The following ZDHHC2 variants were observed in gnomAD, a reference collection of about 807,000 sequenced individuals.
The protein encoded by ZDHHC2 is zDHHC palmitoyltransferase 2, also known as palmitoyltransferase ZDHHC2.
Under a neutral mutation model 55.6 loss-of-function variants are expected in ZDHHC2, and 51 were observed. The ratio of observed to expected loss-of-function variants is 0.92; its 90% CI spans 0.73 to 1.16. ZDHHC2 has a LOEUF of 1.16. Among genes scored for constraint, ZDHHC2 ranks in the 50% most tolerant of loss-of-function variants. The pLI is 0.00. For missense variants in ZDHHC2, 491 were observed against 442.4 expected (o/e 1.11, Z -0.99); for synonymous variants, 199 against 152.9 (o/e 1.30, Z -2.22).
chr8:17,185,269 A>T (rs1350918198), intron 2 of ZDHHC2, among the ~76,000 whole-genome samples: 1 of 152,248 alleles, frequency 6.6e-6, no homozygotes, highest in Non-Finnish European at 1.5e-5. Flanking sequence ...CTATATTTAA[A>T]TTAGCATATT....
Position 17,161,333 on chromosome 8 carries a change from T to A in ZDHHC2, c.130+4480T>A, listed in dbSNP as rs142982045. Among the ~76,000 whole-genome samples, 19 of 152,318 alleles carry A rather than the reference T, an allele frequency of 1.2e-4. No homozygotes were observed. In the East Asian group the frequency reaches 3.5e-3, roughly 28 times the overall value. Reference sequence around the variant, plus strand: ...CTTGATATTCCTGATACTTAAACTATTACTTTAAAAACTGTGTAGGACAAT... The same window carrying A: ...CTTGATATTCCTGATACTTAAACTAATACTTTAAAAACTGTGTAGGACAAT... On this transcript the variant is annotated intron_variant, in intron 1 of 12. Transcript: ENST00000262096.
intron 1 of ZDHHC2, among the ~76,000 whole-genome samples, chr8:17,177,752 TTGTGTGTGTGTG>T (rs10570051): frequency 6.7e-6 from 1 of 148,716 alleles, no homozygotes; most frequent in African/African-American, 2.5e-5. Context: ...TTTGGGGTGT[TTGTGTGTGTGTG>T]TGTGTGTGTG....
At chr8:17,199,337 TCTCAATAAATAAC>T (rs1385996349) in intron 6 of ZDHHC2, among the ~76,000 whole-genome samples, 2 of 152,106 alleles carry the variant, frequency 1.3e-5, no homozygotes, top group African/African-American at 2.4e-5. Context: ...TTCTTAAAGG[TCTCAATAAATAAC>T]GCCCCCTTCG....
rs1295315172 is a variant in ZDHHC2, at chr8:17,210,448, T to C, written c.918T>C (p.Ser306=). 3.1e-6 allele frequency: 5 copies of C among 1,613,000 alleles called. No individual in the cohort carries two copies. Among genetic ancestry groups the C allele is most frequent in the Non-Finnish European group, 4.2e-6 (5 of 1,179,474 alleles). ...CLVNQDPEQA[S]TPAGLNSTAK... ...TTAACCAGGATCCTGAACAAGCATC[T>C]ACTCCTGCAGGGCTGAATTCCACAG... The change falls in exon 10 of 13, where the codon TCT becomes TCC. Residue 306 remains serine (S), a synonymous_variant. Coordinates refer to ENST00000262096, the MANE Select transcript of ZDHHC2 (RefSeq NM_016353.5).
chr8:17,170,678 C>T lies in ZDHHC2; in HGVS notation c.130+13825C>T, dbSNP rs889602450. Reference sequence around the variant, plus strand: ...AATCAAACAGCTAATAACGTTTGGTCATGAAAAATAAGGAACTCTCAGCAT... The same window carrying T: ...AATCAAACAGCTAATAACGTTTGGTTATGAAAAATAAGGAACTCTCAGCAT... On this transcript the variant is annotated intron_variant, in intron 1 of 12. Coordinates refer to ENST00000262096, the MANE Select transcript of ZDHHC2 (RefSeq NM_016353.5). Among the ~76,000 whole-genome samples, 6 of 152,182 alleles carry T rather than the reference C, an allele frequency of 3.9e-5. No individual in the cohort carries two copies. The South Asian group carries it at 8.3e-4, about 21-fold the overall frequency.
intron 8 of ZDHHC2, 99 bp downstream of exon 8, chr8:17,208,191 G>T: frequency 8.2e-6 from 10 of 1,222,138 alleles, no homozygotes; most frequent in Non-Finnish European, 1.1e-5. Context: ...CCCTGAAGTG[G>T]TGGGAAAAGT....
intron 1 of ZDHHC2, among the ~76,000 whole-genome samples, chr8:17,164,766 T>G (rs930573689): frequency 1.3e-5 from 2 of 152,228 alleles, no homozygotes; most frequent in African/African-American, 4.8e-5. Flanking sequence ...CAGTGAAATT[T>G]GGGAAACCAG....
intron 3 of ZDHHC2, among the ~76,000 whole-genome samples, chr8:17,190,076 A>C (rs1805939878): frequency 6.6e-6 from 1 of 151,984 alleles, no homozygotes; most frequent in Non-Finnish European, 1.5e-5. Flanking sequence ...AAATAGCAAA[A>C]ATTTTTTTAC....
intron 12 of ZDHHC2, among the ~76,000 whole-genome samples, chr8:17,217,963 C>T (rs953832867): frequency 3.9e-5 from 6 of 152,170 alleles, no homozygotes; most frequent in Admixed American, 2.6e-4. Flanking sequence ...CTTTACATAA[C>T]GGCAATCTAG....
At chr8:17,210,339 T>G in intron 9 of ZDHHC2, 49 bp from the exon 10 acceptor site, 3 of 1,568,042 alleles carry the variant, frequency 1.9e-6, no homozygotes, top group Non-Finnish European at 2.6e-6. Context: ...AGGGTTTCAC[T>G]CCGTTGTCTT....
chr8:17,205,555 A>G, intron 6 of ZDHHC2, 100 bp from the exon 7 acceptor site: 1 of 1,297,978 alleles, frequency 7.7e-7, no homozygotes, highest in Non-Finnish European at 1.0e-6. Flanking sequence ...AGAAATGCCA[A>G]TAAATTAGAA....
chr8:17,212,270 A>G (rs1440822175), intron 10 of ZDHHC2, among the ~76,000 whole-genome samples: 1 of 152,102 alleles, frequency 6.6e-6, no homozygotes, highest in Non-Finnish European at 1.5e-5. Flanking sequence ...CTTGCTGTCT[A>G]CTTGACACAC....
At chr8:17,183,527 G>A (rs1270055111) in intron 1 of ZDHHC2, among the ~76,000 whole-genome samples, 1 of 152,184 alleles carries the variant, frequency 6.6e-6, no homozygotes, top group Non-Finnish European at 1.5e-5. Flanking sequence ...TCATTCTGGA[G>A]ATCAGAAATG....
intron 6 of ZDHHC2, among the ~76,000 whole-genome samples, chr8:17,201,844 A>T (rs1040825214): frequency 4.6e-5 from 7 of 151,888 alleles, no homozygotes; most frequent in Non-Finnish European, 1.0e-4. Context: ...TTGAACCTTC[A>T]TATCTGTCAA....
rs2150957020 is a variant in ZDHHC2 at position 17,223,207 on chromosome 8, A to G, written c.*2986A>G. 1 of 151,948 alleles carries G rather than the reference A, an allele frequency of 6.6e-6. No individual in the cohort carries two copies. The highest frequency in any genetic ancestry group is 2.1e-4 in the South Asian group (1 of 4,828). 9.4% of individuals were successfully genotyped at this position (151,948 alleles called of 1,614,324 possible). The stretch of plus-strand genomic sequence containing the variant: ...GTACTGTATCATTTGGTATTTACTT[A>G]TATGGTCAAATACTTGTTTGTAAAA... On this transcript the variant is annotated 3_prime_UTR_variant, in exon 13 of 13. Coordinates refer to ENST00000262096, the MANE Select transcript of ZDHHC2 (RefSeq NM_016353.5).
intron 10 of ZDHHC2, among the ~76,000 whole-genome samples, chr8:17,211,085 G>C (rs1807362190): frequency 6.6e-6 from 1 of 152,158 alleles, no homozygotes; most frequent in Non-Finnish European, 1.5e-5. Flanking sequence ...TCAAGAATTT[G>C]AGGCTGGCCA....
intron 1 of ZDHHC2, among the ~76,000 whole-genome samples, chr8:17,175,629 T>G (rs921645588): frequency 2.0e-5 from 3 of 152,194 alleles, no homozygotes; most frequent in African/African-American, 7.2e-5. Flanking sequence ...ACCTTCTAGT[T>G]TAATTCTCAA....
Position 17,220,237 on chromosome 8 carries a change from T to C in ZDHHC2, c.*35-19T>C, listed in dbSNP as rs1807861203. ...TTATGGTTAACATAGTAGTTTCATGTTTTCTGTTTCATTTCAAGGTATCAA... is the reference window on the plus strand; with the variant it reads ...TTATGGTTAACATAGTAGTTTCATGCTTTCTGTTTCATTTCAAGGTATCAA... On this transcript the variant is annotated intron_variant, in intron 12 of 12. Coordinates refer to ENST00000262096, the MANE Select transcript of ZDHHC2 (RefSeq NM_016353.5). 1 of 152,194 alleles carries C rather than the reference T, an allele frequency of 6.6e-6. No homozygotes were observed. Among genetic ancestry groups the C allele is most frequent in the African/African-American group, 2.4e-5 (1 of 41,456 alleles). The allele number at this position is 152,194 out of a possible 1,614,324, so 9.4% of individuals were successfully genotyped here.
chr8:17,222,223 CCTTT>C lies in ZDHHC2; in HGVS notation c.*2005_*2008del, dbSNP rs1807955365. On this transcript the variant is annotated 3_prime_UTR_variant, in exon 13 of 13. Transcript: ENST00000262096. The stretch of plus-strand genomic sequence containing the variant: ...AACAATTTCATTGTTGTAATTGTTC[CCTTT>C]CTGTTTTCATATAGTGAATAACCTT... 6.6e-6 allele frequency: 1 copy of C among 151,236 alleles called. No homozygotes were observed. Among genetic ancestry groups the C allele is most frequent in the African/African-American group, 2.4e-5 (1 of 41,238 alleles). 9.4% of individuals were successfully genotyped at this position (151,236 alleles called of 1,614,324 possible).
Sources: allele counts gnomAD v4.1 joint callset (sites outside exome capture counted in the v4.1 genomes callset), GRCh38; gene constraint gnomAD v4.1.1; transcripts MANE v1.5; gene names NCBI Gene and HGNC (gene_info 2026-07-23, HGNC 2026-07-21).